ZHX2: variants seen among roughly 807,000 people sequenced by gnomAD.
ZHX2 encodes zinc fingers and homeoboxes 2.
ZHX2 carries 6 observed loss-of-function variants against 21.9 expected under a neutral mutation model. The observed-to-expected ratio is 0.27, with a 90% CI of 0.15 to 0.54. The LOEUF is 0.54. Ranked by LOEUF, ZHX2 falls within the 20% of genes least tolerant of loss-of-function variation. ZHX2 has a pLI of 0.95. For synonymous variants in ZHX2, 434 were observed against 437.1 expected (o/e 0.99, Z 0.09); for missense variants, 908 against 1,090.7 (o/e 0.83, Z 2.36).
At chr8:122,858,574 G>A (rs961332115) in intron 1 of ZHX2, among the ~76,000 whole-genome samples, 1 of 151,796 alleles carries the variant, frequency 6.6e-6, no homozygotes, top group Non-Finnish European at 1.5e-5. Flanking sequence ...GTGTGTGCCT[G>A]TGGAGCTCAG....
At chr8:122,810,789 C>CTT in intron 1 of ZHX2, among the ~76,000 whole-genome samples, 1 of 146,688 alleles carries the variant, frequency 6.8e-6, no homozygotes. Context: ...ACTAGCATGT[C>CTT]TTTTTTTTTT....
intron 2 of ZHX2, among the ~76,000 whole-genome samples, chr8:122,875,706 A>G (rs1047617922): frequency 3.9e-5 from 6 of 152,248 alleles, no homozygotes; most frequent in African/African-American, 1.4e-4. Context: ...ACACATGTGG[A>G]AACAGAAGCT....
At chr8:122,824,011 A>C (rs1357522654) in intron 1 of ZHX2, among the ~76,000 whole-genome samples, 1 of 152,234 alleles carries the variant, frequency 6.6e-6, no homozygotes, top group Non-Finnish European at 1.5e-5. Flanking sequence ...ATCAATTCAG[A>C]CATTCAAACC....
intron 1 of ZHX2, among the ~76,000 whole-genome samples, chr8:122,851,371 G>C (rs962385598): frequency 1.3e-5 from 2 of 152,156 alleles, no homozygotes; most frequent in African/African-American, 4.8e-5. Context: ...ATGAAAGTTG[G>C]CTATGATGAT....
chr8:122,953,399 C>A lies in ZHX2; in HGVS notation c.1889C>A (p.Ser630Ter). 6.2e-7 allele frequency: 1 copy of A among 1,614,154 alleles called. No homozygotes were observed. The highest frequency in any genetic ancestry group is 8.5e-7 in the Non-Finnish European group (1 of 1,180,046). The change falls in exon 3 of 4, where the codon TCG (serine) becomes TAG (stop). Residue 630 changes from serine to a stop codon, truncating the protein, a stop_gained. Coordinates refer to ENST00000314393, the MANE Select transcript of ZHX2 (RefSeq NM_014943.5). LOFTEE classifies it low-confidence loss of function (END_TRUNC). The surrounding 1 kb of genome is among the most constrained non-coding windows in gnomAD (Gnocchi z 4.6). Reference sequence around the variant, plus strand: ...TTAACAAGTTCTCTGCCCAGCCCTTCGCCAGCAATTGCAAAAAGTCAAGAA... The same window carrying A: ...TTAACAAGTTCTCTGCCCAGCCCTTAGCCAGCAATTGCAAAAAGTCAAGAA... ...AQLTSSLPSP[S>*]PAIAKSQEQV... is the part of the protein sequence containing the mutation.
Position 122,973,478 on chromosome 8 carries a change from G to C in ZHX2, c.*241G>C, listed in dbSNP as rs1813779645. 1 of 152,608 alleles carries C rather than the reference G, an allele frequency of 6.6e-6. No individual in the cohort carries two copies. 9.5% of individuals were successfully genotyped at this position (152,608 alleles called of 1,614,324 possible). ...ACTACTGCGTTTTCAATGGGTCCTT[G>C]TACATAGTTTGCTCCTCTGCCCTAG... is the stretch of plus-strand genomic sequence containing the variant. On this transcript the variant is annotated 3_prime_UTR_variant, in exon 4 of 4. Coordinates refer to ENST00000314393, the MANE Select transcript of ZHX2 (RefSeq NM_014943.5).
intron 2 of ZHX2, among the ~76,000 whole-genome samples, chr8:122,878,892 A>C (rs1420657610): frequency 6.6e-6 from 1 of 152,062 alleles, no homozygotes; most frequent in East Asian, 1.9e-4. Context: ...TCAAAGTGAG[A>C]CCTTGACATT....
intron 2 of ZHX2, among the ~76,000 whole-genome samples, chr8:122,891,380 C>T (rs1317721181): frequency 2.7e-5 from 4 of 148,562 alleles, no homozygotes; most frequent in Non-Finnish European, 6.0e-5. Flanking sequence ...TTGCAAAAAG[C>T]CAACTTTTCA....
chr8:122,970,374 A>G (rs1022315413), intron 3 of ZHX2, among the ~76,000 whole-genome samples: 1 of 152,192 alleles, frequency 6.6e-6, no homozygotes, highest in Non-Finnish European at 1.5e-5. Flanking sequence ...AGTATGCTGC[A>G]TGGGCCAGAC....
chr8:122,804,736 C>G (rs1044861750), intron 1 of ZHX2, among the ~76,000 whole-genome samples: 4 of 152,198 alleles, frequency 2.6e-5, no homozygotes, highest in Non-Finnish European at 5.9e-5. Context: ...CATTTCCCAG[C>G]TGAGGCAACT....
At position 122,953,503 on chromosome 8, in the gene ZHX2, A is replaced by G; in HGVS notation, c.1993A>G (p.Thr665Ala). ...GGAGTACGACCAGTTAGCGGCCAAGACTGGCCTGGTCCGAACTGAGATTGT... is the reference window on the plus strand; with the variant it reads ...GGAGTACGACCAGTTAGCGGCCAAGGCTGGCCTGGTCCGAACTGAGATTGT... ...PQEYDQLAAK[T>A]GLVRTEIVRW... is the part of the protein sequence containing the mutation. The change falls in exon 3 of 4, where the codon ACT becomes GCT. Residue 665 changes from threonine to alanine, a missense_variant. Around this residue, in one of 4 missense-constraint regions of ZHX2, gnomAD observed 431 missense variants for 428.6 expected, o/e 1.01. Transcript: ENST00000314393. This position sits in a 1 kb window ranked among gnomAD's most constrained non-coding sequence, Gnocchi z 4.6. 6.2e-7 allele frequency: 1 copy of G among 1,614,244 alleles called. No homozygotes were observed. The highest frequency in any genetic ancestry group is 8.5e-7 in the Non-Finnish European group (1 of 1,180,040).
chr8:122,783,744 A>G (rs909498038), intron 1 of ZHX2, among the ~76,000 whole-genome samples: 1 of 152,240 alleles, frequency 6.6e-6, no homozygotes, highest in African/African-American at 2.4e-5. Flanking sequence ...TGGAGCTGTC[A>G]AGTGGTTGAA....
At chr8:122,919,031 G>A (rs1289309122) in intron 2 of ZHX2, among the ~76,000 whole-genome samples, 1 of 151,790 alleles carries the variant, frequency 6.6e-6, no homozygotes, top group Non-Finnish European at 1.5e-5. Flanking sequence ...TCTCCCACCT[G>A]GAATATGCTT....
At chr8:122,888,775 G>A (rs558146648) in intron 2 of ZHX2, among the ~76,000 whole-genome samples, 167 of 152,264 alleles carry the variant, frequency 1.1e-3, no homozygotes, top group Middle Eastern at 3.4e-3. Context: ...GAGCCACCGC[G>A]CACAGCCACA....
chr8:122,806,607 A>G, intron 1 of ZHX2, among the ~76,000 whole-genome samples: 1 of 152,184 alleles, frequency 6.6e-6, no homozygotes, highest in Non-Finnish European at 1.5e-5. Flanking sequence ...CAACAACGGA[A>G]AGGGAAGCAC....
At chr8:122,948,833 A>C (rs868848773) in intron 2 of ZHX2, among the ~76,000 whole-genome samples, 4 of 152,218 alleles carry the variant, frequency 2.6e-5, no homozygotes, top group Non-Finnish European at 4.4e-5. Flanking sequence ...AGATGAGTTA[A>C]ATGCAAAAAA....
chr8:122,944,021 G>A (rs1369355721), intron 2 of ZHX2, among the ~76,000 whole-genome samples: 1 of 152,036 alleles, frequency 6.6e-6, no homozygotes, highest in Non-Finnish European at 1.5e-5. Context: ...ATGTTTTCTT[G>A]CCTTCTGACT....
In ZHX2 at chr8:122,816,125, T is replaced by C. The variant is rs909947488; in HGVS notation, c.-283+34179T>C. On this transcript the variant is annotated intron_variant, in intron 1 of 3. Transcript: ENST00000314393. Reference sequence around the variant, plus strand: ...GGAGATTGCCATAGCCACTCCAGCCTTCAGCAACCACCACTCTGATCAGTT... The same window carrying C: ...GGAGATTGCCATAGCCACTCCAGCCCTCAGCAACCACCACTCTGATCAGTT... 9.5e-4 allele frequency among the ~76,000 whole-genome samples: 143 copies of C among 150,052 alleles called. 1 individual carries two copies. Among genetic ancestry groups the C allele is most frequent in the Non-Finnish European group, 1.8e-3 (119 of 67,788 alleles).
chr8:122,803,188 T>G (rs1387861830), intron 1 of ZHX2, among the ~76,000 whole-genome samples: 1 of 151,902 alleles, frequency 6.6e-6, no homozygotes, highest in Non-Finnish European at 1.5e-5. Flanking sequence ...TCCCTCCCTC[T>G]CCCCACTCTA....
Sources: gnomAD v4.1 joint callset for allele counts (sites outside exome capture counted in the v4.1 genomes callset) on GRCh38, gnomAD v4.1.1 for gene constraint, gnomAD v4.1.1 regional missense constraint, Gnocchi (gnomAD v3.1) non-coding constraint, MANE v1.5 for transcripts, NCBI Gene and HGNC (gene_info 2026-07-23, HGNC 2026-07-21) for gene names.